Variants in CRACDL observed in about 807,000 individuals in gnomAD.
The protein encoded by CRACDL is CRACD like, also known as CRACD-like protein.
A neutral mutation model predicts 70.6 loss-of-function variants in CRACDL; 26 were observed. The observed-to-expected ratio is 0.37, with a 90% confidence interval of 0.27 to 0.51. The LOEUF (loss-of-function observed/expected upper bound fraction) is 0.51, where lower values mean the gene tolerates loss of function less well. Among genes scored for constraint, CRACDL ranks in the 20% least tolerant of loss-of-function variants. The pLI is 0.94. For synonymous variants in CRACDL, 618 were observed against 615.2 expected (o/e 1.00, Z -0.07); for missense variants, 1,283 against 1,376.9 (o/e 0.93, Z 1.08).
chr2:98,826,945 G>A (rs1169686897), intron 6 of CRACDL, 30 bp downstream of exon 6: 1 of 1,573,632 alleles, frequency 6.4e-7, no homozygotes, highest in East Asian at 2.3e-5. Context: ...TGCCTGGCCT[G>A]CCTCTGTGTG....
chr2:98,795,077 A>ATATATATATTTTTTTTTTTTTT, intron 9 of CRACDL, among the ~76,000 whole-genome samples: 8 of 58,480 alleles, frequency 1.4e-4, no homozygotes, highest in Non-Finnish European at 2.2e-4. Context: ...ATATATATAT[A>ATATATATATTTTTTTTTTTTTT]TTTTTTTTTT....
chr2:98,934,079 C>A, intron 1 of CRACDL, among the ~76,000 whole-genome samples: 1 of 152,140 alleles, frequency 6.6e-6, no homozygotes, highest in East Asian at 1.9e-4. Context: ...AATACCATCA[C>A]CTTGAGGATT....
At chr2:98,882,761 G>A (rs745383323) in intron 1 of CRACDL, among the ~76,000 whole-genome samples, 5 of 152,172 alleles carry the variant, frequency 3.3e-5, no homozygotes, top group Non-Finnish European at 4.4e-5. Context: ...GATTCCACAC[G>A]GAATGCTTTG....
At chr2:98,877,200 C>T (rs1037145331) in intron 1 of CRACDL, among the ~76,000 whole-genome samples, 2 of 152,270 alleles carry the variant, frequency 1.3e-5, no homozygotes, top group Non-Finnish European at 1.5e-5. Flanking sequence ...GTTCTACCCT[C>T]GACTTTACCA....
At chr2:98,905,174 C>T (rs560577063) in intron 1 of CRACDL, among the ~76,000 whole-genome samples, 9 of 148,934 alleles carry the variant, frequency 6.0e-5, no homozygotes, top group East Asian at 4.0e-4. Context: ...GGCGTGAACC[C>T]GGGAGGCGGA....
At chr2:98,853,698 C>T (rs1381715780) in intron 1 of CRACDL, among the ~76,000 whole-genome samples, 21 of 152,006 alleles carry the variant, frequency 1.4e-4, no homozygotes, top group Admixed American at 1.3e-3. Context: ...TATGAATTTA[C>T]AATGTATGTA....
At chr2:98,876,912 T>A (rs1325805866) in intron 1 of CRACDL, among the ~76,000 whole-genome samples, 6 of 152,244 alleles carry the variant, frequency 3.9e-5, no homozygotes, top group Non-Finnish European at 8.8e-5. Flanking sequence ...GTAAGTCTAC[T>A]GTCTAATGGG....
chr2:98,805,072 A>G (rs981311204), intron 7 of CRACDL, among the ~76,000 whole-genome samples: 1 of 152,100 alleles, frequency 6.6e-6, no homozygotes, highest in Admixed American at 6.5e-5. Context: ...TGCAAAAGCC[A>G]TCAGGACCAG....
At chr2:98,895,641 G>A (rs548820784) in intron 1 of CRACDL, among the ~76,000 whole-genome samples, 1 of 152,120 alleles carries the variant, frequency 6.6e-6, no homozygotes, top group Non-Finnish European at 1.5e-5. Context: ...ACCATGCTAA[G>A]GTGTTTGGAT....
intron 7 of CRACDL, among the ~76,000 whole-genome samples, chr2:98,799,783 G>T (rs940915729): frequency 4.6e-5 from 7 of 151,928 alleles, no homozygotes; most frequent in Non-Finnish European, 8.8e-5. Context: ...AAATCCCAAG[G>T]TCAAGCCTGG....
At chr2:98,854,962 G>A (rs1706637973) in intron 1 of CRACDL, among the ~76,000 whole-genome samples, 1 of 152,208 alleles carries the variant, frequency 6.6e-6, no homozygotes, top group African/African-American at 2.4e-5. Flanking sequence ...CTTAAAGTTT[G>A]CTGATTTTGA....
chr2:98,816,047 TG>T (rs200996066), intron 7 of CRACDL, among the ~76,000 whole-genome samples: 2 of 152,008 alleles, frequency 1.3e-5, no homozygotes, highest in East Asian at 2.0e-4. Flanking sequence ...GGGCTGGTGG[TG>T]GGGGGGTGCA....
At chr2:98,917,838 G>A (rs1040443698) in intron 1 of CRACDL, among the ~76,000 whole-genome samples, 14 of 152,168 alleles carry the variant, frequency 9.2e-5, no homozygotes, top group Admixed American at 2.6e-4. Flanking sequence ...CCATGTATAC[G>A]CATTATTTCG....
In CRACDL at chr2:98,904,654, C is replaced by T. The variant is rs536533147; in HGVS notation, c.-11+31284G>A. Among the ~76,000 whole-genome samples the T allele has an allele frequency of 6.6e-5, 10 of 152,352 alleles. No individual in the cohort carries two copies. The South Asian group carries it at 1.0e-3, about 16-fold the overall frequency. ...GAACAAAGCCACCTTTAATTTATTTCGTTTCATTCAAGAAGAACAAAACCA... is the reference window on the plus strand; with the variant it reads ...GAACAAAGCCACCTTTAATTTATTTTGTTTCATTCAAGAAGAACAAAACCA... On this transcript the variant is annotated intron_variant, in intron 1 of 9. Transcript: ENST00000397899.
intron 1 of CRACDL, among the ~76,000 whole-genome samples, chr2:98,915,463 T>C (rs1197472011): frequency 6.6e-6 from 1 of 151,482 alleles, no homozygotes. Context: ...CGGGGACTGG[T>C]GGAACATGAC....
At chr2:98,845,200 CTTTT>C (rs34635348) in intron 2 of CRACDL, among the ~76,000 whole-genome samples, 2 of 57,622 alleles carry the variant, frequency 3.5e-5, no homozygotes, top group Non-Finnish European at 3.4e-5. Context: ...TCTTCTTCTT[CTTTT>C]TTTTTTTTTT....
intron 1 of CRACDL, among the ~76,000 whole-genome samples, chr2:98,863,334 A>G (rs1283591298): frequency 6.6e-6 from 1 of 152,228 alleles, no homozygotes; most frequent in Non-Finnish European, 1.5e-5. Context: ...AAATTAAGAC[A>G]TTCCCAAATA....
chr2:98,858,104 A>G (rs1276994598), intron 1 of CRACDL, among the ~76,000 whole-genome samples: 1 of 152,238 alleles, frequency 6.6e-6, no homozygotes, highest in African/African-American at 2.4e-5. Context: ...GAAAAATTAT[A>G]AAGTCCTTTG....
rs375629703 is a variant in CRACDL, at chr2:98,849,564, C to T, written c.-10-2754G>A. Among the ~76,000 whole-genome samples the T allele has an allele frequency of 4.0e-5, 6 of 151,444 alleles. No homozygotes were observed. In the South Asian group the frequency reaches 8.4e-4, roughly 21 times the overall value. ...CAGAGGGTTCAGATGCAGATGTAGGCGGAGGGCCGGGGAGGGGGGAGCATG... is the reference window on the plus strand; with the variant it reads ...CAGAGGGTTCAGATGCAGATGTAGGTGGAGGGCCGGGGAGGGGGGAGCATG... On this transcript the variant is annotated intron_variant, in intron 1 of 9. Coordinates refer to ENST00000397899, the MANE Select transcript of CRACDL (RefSeq NM_207362.3).
Sources: allele counts gnomAD v4.1 joint callset (sites outside exome capture counted in the v4.1 genomes callset), GRCh38; gene constraint gnomAD v4.1.1; transcripts MANE v1.5; gene names NCBI Gene and HGNC (gene_info 2026-07-23, HGNC 2026-07-21).